The following PHF23 variants were observed in gnomAD, a reference collection of about 807,000 sequenced individuals.
PHF23 encodes PDH-containing protein JUNE-1.
PHF23 carries 3 observed loss-of-function variants against 36.0 expected under a neutral mutation model. The observed-to-expected ratio is 0.08, with a 90% CI of 0.04 to 0.22. The LOEUF is 0.22. PHF23 is among the 10% of genes least tolerant of loss of function. PHF23 has a pLI of 1.00. For missense variants in PHF23, 475 were observed against 513.6 expected, an observed-to-expected ratio of 0.92 and a Z score of 0.73; for synonymous variants, 242 against 192.5, an observed-to-expected ratio of 1.26 and a Z score of -2.13.
chr17:7,239,016 T>C, intron 1 of PHF23: 1 of 1,434,858 alleles, frequency 7.0e-7, no homozygotes, highest in Non-Finnish European at 9.2e-7. Context: ...GGTTTCAAGC[T>C]CCTATCCCCC....
At chr17:7,238,738 C>T (rs1490484461) in intron 1 of PHF23, 3 of 1,520,456 alleles carry the variant, frequency 2.0e-6, no homozygotes, top group East Asian at 2.5e-5. Flanking sequence ...GTCCGTCTGC[C>T]GTAGACAATA....
In PHF23 at chr17:7,236,344, C is replaced by T. The variant is rs201051864; in HGVS notation, c.583G>A (p.Gly195Ser). 30 of 1,614,082 alleles carry T rather than the reference C, an allele frequency of 1.9e-5. No homozygotes were observed. Among genetic ancestry groups the T allele is most frequent in the Non-Finnish European group, 2.5e-5 (30 of 1,180,038 alleles). Residue 195 changes from glycine (G) to serine (S), a missense_variant, in exon 4 of 5, where the codon GGC becomes AGC. Gly to Ser is a moderately conservative substitution (Grantham distance 56). Transcript: ENST00000320316. The surrounding 1 kb of genome is among the most constrained non-coding windows in gnomAD (Gnocchi z 5.1). ...NRKLGPGAGA[G>S]FGVLRRPRPT... ...CGAGGCCTCCGAAGCACCCCAAAGC[C>T]AGCCCCAGCTCCTGGCCCCAACTTT...
Position 7,235,533 on chromosome 17 carries a change from A to G in PHF23, c.*93T>C. On this transcript the variant is annotated 3_prime_UTR_variant, in exon 5 of 5. Coordinates refer to ENST00000320316, the MANE Select transcript of PHF23 (RefSeq NM_024297.3). ...AGAATTCCTGCCTTGAAGTGCAGAC[A>G]GTATCCAAGCTCCAGGGGATAGGCT... 1.6e-6 allele frequency: 2 copies of G among 1,289,204 alleles called. No homozygotes were observed. Among genetic ancestry groups the G allele is most frequent in the Non-Finnish European group, 2.2e-6 (2 of 908,820 alleles). 79.9% of individuals were successfully genotyped at this position (1,289,204 alleles called of 1,614,324 possible).
chr17:7,236,413 C>T lies in PHF23; in HGVS notation c.514G>A (p.Gly172Arg). The T allele has an allele frequency of 6.2e-7, 1 of 1,613,894 alleles. No individual in the cohort carries two copies. The highest frequency in any genetic ancestry group is 8.5e-7 in the Non-Finnish European group (1 of 1,180,002). ...AALTPVPLSQ[G>R]DLSHPPRKKD... The stretch of plus-strand genomic sequence containing the variant: ...TTTCGAGGAGGATGGGAGAGGTCCC[C>T]CTGGGAAAGGGGCACGGGGGTAAGA... The change falls in exon 4 of 5, where the codon GGG (glycine) becomes AGG (arginine). Residue 172 changes from glycine to arginine, a missense_variant. Gly to Arg is a moderately radical substitution (Grantham distance 125). Around this residue, in one of 5 missense-constraint regions of PHF23, gnomAD observed 350 missense variants for 319.8 expected, o/e 1.09. Transcript: ENST00000320316. This position sits in a 1 kb window ranked among gnomAD's most constrained non-coding sequence, Gnocchi z 5.1.
chr17:7,236,359 G>C lies in PHF23; in HGVS notation c.568C>G (p.Pro190Ala). Residue 190 changes from proline (P) to alanine (A), a missense_variant, in exon 4 of 5, where the codon CCA (proline) becomes GCA (alanine). Coordinates refer to ENST00000320316, the MANE Select transcript of PHF23 (RefSeq NM_024297.3). The surrounding 1 kb of genome is among the most constrained non-coding windows in gnomAD (Gnocchi z 5.1). ...ACCCCAAAGCCAGCCCCAGCTCCTG[G>C]CCCCAACTTTCGGTTCTTTCGGTCC... ...KKDRKNRKLG[P>A]GAGAGFGVLR... is the part of the protein sequence containing the mutation. The C allele has an allele frequency of 6.2e-7, 1 of 1,614,148 alleles. No individual in the cohort carries two copies. Among genetic ancestry groups the C allele is most frequent in the Non-Finnish European group, 8.5e-7 (1 of 1,180,026 alleles).
At position 7,235,427 on chromosome 17, in the gene PHF23, GATTCA is replaced by G; in HGVS notation, c.*194_*198del. On this transcript the variant is annotated 3_prime_UTR_variant, in exon 5 of 5. Transcript: ENST00000320316. ...CAGCCTCCCATCCCCAACCGTAATG[GATTCA>G]ATTTCAAGTCCACAGAGTGGGGAGG... 1.6e-6 allele frequency: 1 copy of G among 607,914 alleles called. No homozygotes were observed. Among genetic ancestry groups the G allele is most frequent in the Non-Finnish European group, 2.9e-6 (1 of 346,782 alleles). 37.7% of individuals were successfully genotyped at this position (607,914 alleles called of 1,614,324 possible). A position where few individuals can be genotyped will look rare whatever the true frequency, so the allele number is the denominator to read the frequency against.
intron 4 of PHF23, 39 bp from the exon 5 acceptor site, chr17:7,235,879 T>C: frequency 6.2e-7 from 1 of 1,613,654 alleles, no homozygotes; most frequent in South Asian, 1.1e-5. Context: ...CTGCCTGAGC[T>C]GTTGGATCCA....
chr17:7,239,560 C>A (rs1442426405), upstream of PHF23: 2 of 353,150 alleles, frequency 5.7e-6, no homozygotes, highest in Non-Finnish European at 1.1e-5. Flanking sequence ...CCCTCCTCCC[C>A]CCGCCGGCGC....
Position 7,239,235 on chromosome 17 carries a change from C to A in PHF23, c.34+11G>T. 1 of 1,533,734 alleles carries A rather than the reference C, an allele frequency of 6.5e-7. No homozygotes were observed. On this transcript the variant is annotated intron_variant, in intron 1 of 4. Transcript: ENST00000320316. ...CGCCGGCTCAGCGCTCTGCACCGGT[C>A]GAGAGCTCACCTTCGGGACTGGGCT...
rs1435164650 is a variant in PHF23 at position 7,239,264 on chromosome 17, C to T, written c.16G>A (p.Ala6Thr). 2 of 1,540,802 alleles carry T rather than the reference C, an allele frequency of 1.3e-6. No individual in the cohort carries two copies. Among genetic ancestry groups the T allele is most frequent in the Non-Finnish European group, 8.9e-7 (1 of 1,124,012 alleles). MLEAM[A>T]EPSPEDPPPT... is the part of the protein sequence containing the mutation. Reference sequence around the variant, plus strand: ...AGCTCACCTTCGGGACTGGGCTCCGCCATGGCTTCCAGCATCGCCCCCTCC... The same window carrying T: ...AGCTCACCTTCGGGACTGGGCTCCGTCATGGCTTCCAGCATCGCCCCCTCC... Residue 6 changes from alanine (A) to threonine (T), a missense_variant, in exon 1 of 5, where the codon GCG (alanine) becomes ACG (threonine). By Grantham distance (58) the Ala-to-Thr change is moderately conservative. This residue lies in a region of PHF23 where 54 missense variants were observed against 42.0 expected (regional missense o/e 1.28). Transcript: ENST00000320316.
intron 1 of PHF23, chr17:7,238,830 G>T (rs1223294848): frequency 5.2e-6 from 8 of 1,533,418 alleles, no homozygotes; most frequent in Non-Finnish European, 7.0e-6. Flanking sequence ...ACTACTCGGA[G>T]CTCCGGTACC....
Position 7,235,530 on chromosome 17 carries a change from G to T in PHF23, c.*96C>A. ...TTGAGAATTCCTGCCTTGAAGTGCA[G>T]ACAGTATCCAAGCTCCAGGGGATAG... On this transcript the variant is annotated 3_prime_UTR_variant, in exon 5 of 5. Transcript: ENST00000320316. 2 of 1,270,090 alleles carry T rather than the reference G, an allele frequency of 1.6e-6. No individual in the cohort carries two copies. Among genetic ancestry groups the T allele is most frequent in the Non-Finnish European group, 2.2e-6 (2 of 892,546 alleles). The allele number at this position is 1,270,090 out of a possible 1,614,324, so 78.7% of individuals were successfully genotyped here.
At chr17:7,239,220 G>T in intron 1 of PHF23, 26 bp downstream of exon 1, 1 of 1,495,534 alleles carries the variant, frequency 6.7e-7, no homozygotes, top group Non-Finnish European at 9.2e-7. Flanking sequence ...CGCCGGCTCA[G>T]CGCTCTGCAC....
chr17:7,237,692 C>CT (rs2071697302), intron 1 of PHF23, 32 bp from the exon 2 acceptor site: 13 of 1,612,732 alleles, frequency 8.1e-6, no homozygotes, highest in Non-Finnish European at 1.0e-5. Context: ...AGTCAAGACA[C>CT]TAGGAACAAT....
chr17:7,235,877 G>A, intron 4 of PHF23, 37 bp from the exon 5 acceptor site: 2 of 1,613,714 alleles, frequency 1.2e-6, no homozygotes, highest in Non-Finnish European at 1.7e-6. Flanking sequence ...TTCTGCCTGA[G>A]CTGTTGGATC....
intron 1 of PHF23, 150 bp from the exon 2 acceptor site, chr17:7,237,810 G>C: frequency 1.1e-6 from 1 of 889,288 alleles, no homozygotes. Flanking sequence ...ATCCGCCCCG[G>C]CTCCCCCTTC....
Position 7,236,153 on chromosome 17 carries a change from TTCTTCC to T in PHF23, c.768_773del (p.Glu260_Glu261del), listed in dbSNP as rs751561141. ...CTACCACTGTTGCCATCTCTTCTTC[TTCTTCC>T]TCTTCCTCCTCTTCCTCCTCCTCTT... is the stretch of plus-strand genomic sequence containing the variant. On this transcript the variant is annotated inframe_deletion, in exon 4 of 5. Transcript: ENST00000320316. This position sits in a 1 kb window ranked among gnomAD's most constrained non-coding sequence, Gnocchi z 5.1. 66 of 1,610,530 alleles carry T rather than the reference TTCTTCC, an allele frequency of 4.1e-5. No homozygotes were observed. The highest frequency in any genetic ancestry group is 3.2e-4 in the African/African-American group (24 of 74,978).
intron 1 of PHF23, 186 bp from the exon 2 acceptor site, chr17:7,237,846 C>G: frequency 3.0e-6 from 2 of 667,214 alleles, no homozygotes; most frequent in Non-Finnish European, 5.0e-6. Flanking sequence ...GGAGCCTGGG[C>G]GCGGCGCCCT....
chr17:7,235,333 A>C lies in PHF23; in HGVS notation c.*293T>G. ...TAGACAACTGTCCCATTCCATCCCA[A>C]TTCCAATCCTGACCCAGAAAGTGAT... On this transcript the variant is annotated 3_prime_UTR_variant, in exon 5 of 5. Transcript: ENST00000320316. 1 of 457,824 alleles carries C rather than the reference A, an allele frequency of 2.2e-6. No individual in the cohort carries two copies. Among genetic ancestry groups the C allele is most frequent in the South Asian group, 2.2e-5 (1 of 45,174 alleles). The allele number at this position is 457,824 out of a possible 1,614,324, so 28.4% of individuals were successfully genotyped here. A position where few individuals can be genotyped will look rare whatever the true frequency, so the allele number is the denominator to read the frequency against.
Sources: gnomAD v4.1 joint callset for allele counts on GRCh38, gnomAD v4.1.1 for gene constraint, gnomAD v4.1.1 regional missense constraint, Gnocchi (gnomAD v3.1) non-coding constraint, MANE v1.5 for transcripts, NCBI Gene and HGNC (gene_info 2026-07-23, HGNC 2026-07-21) for gene names.